Variants in SPATA31C1 observed in about 807,000 individuals in gnomAD.
SPATA31C1 encodes the protein SPATA31 subfamily C member 1, also known as spermatogenesis-associated protein 31C1.
rs755985498 is a variant in SPATA31C1 at position 87,920,595 on chromosome 9, C to A, written n.985C>A. ...CACCCCTGATCCTCTGGCCTGCTCT[C>A]CACCTCCTCCGAAAGGCTTCACTCC... On this transcript the variant is annotated non_coding_transcript_exon_variant, in exon 5 of 5. Transcript: ENST00000420021. 2.5e-6 allele frequency: 4 copies of A among 1,613,640 alleles called. No individual in the cohort carries two copies. The African/African-American group carries it at 4.0e-5, about 16-fold the overall frequency.
chr9:87,921,572 G>C, exon 5 of SPATA31C1: 2 of 1,612,010 alleles, frequency 1.2e-6, no homozygotes, highest in Non-Finnish European at 1.7e-6. Flanking sequence ...AGTCAGAAAG[G>C]AACCTGAGGA....
At chr9:87,919,458 G>C in intron 3 of SPATA31C1, 110 bp downstream of exon 2, 1 of 1,484,636 alleles carries the variant, frequency 6.7e-7, no homozygotes, top group Non-Finnish European at 9.1e-7. Context: ...TCCTAGGAAG[G>C]AAATCAGAAC....
exon 5 of SPATA31C1, chr9:87,922,248 T>G: frequency 6.2e-7 from 1 of 1,613,174 alleles, no homozygotes; most frequent in East Asian, 2.2e-5. Context: ...GCCCCTCACA[T>G]ACAGCCTCAA....
At chr9:87,921,973 T>C (rs1443953331) in exon 5 of SPATA31C1, 3 of 1,613,130 alleles carry the variant, frequency 1.9e-6, no homozygotes, top group South Asian at 1.1e-5. Context: ...TTGTCCCTTA[T>C]ACAGCTTGCT....
chr9:87,915,279 T>C (rs1291727575), intron 1 of SPATA31C1, among the ~76,000 whole-genome samples: 2 of 124,928 alleles, frequency 1.6e-5, no homozygotes, highest in Non-Finnish European at 3.5e-5. Flanking sequence ...GTGGACCTCA[T>C]ATTGAAAATC....
At chr9:87,921,235 C>T in exon 5 of SPATA31C1, 4 of 1,611,968 alleles carry the variant, frequency 2.5e-6, no homozygotes, top group Non-Finnish European at 3.4e-6. Flanking sequence ...AGACTGACAT[C>T]CATTCTGCCT....
Position 87,922,788 on chromosome 9 carries a change from A to G in SPATA31C1, n.3178A>G, listed in dbSNP as rs1195037503. 3.7e-6 allele frequency: 6 copies of G among 1,606,104 alleles called. No homozygotes were observed. In the Admixed American group the frequency reaches 8.4e-5, roughly 22 times the overall value. ...AAGCCCAATGTTTCCCCCTACTCAC[A>G]AGAGGGAGAACTCTAGGAAGCCCAA... On this transcript the variant is annotated non_coding_transcript_exon_variant, in exon 5 of 5. Transcript: ENST00000420021.
Position 87,920,329 on chromosome 9 carries a change from G to T in SPATA31C1, n.719G>T. On this transcript the variant is annotated non_coding_transcript_exon_variant, in exon 5 of 5. Transcript: ENST00000420021. Reference sequence around the variant, plus strand: ...GACCCGCCAGGTGAGGTGGGCAAAAGAACACCTGATGGAGCCTCCCGGTCC... The same window carrying T: ...GACCCGCCAGGTGAGGTGGGCAAAATAACACCTGATGGAGCCTCCCGGTCC... 3 of 1,613,978 alleles carry T rather than the reference G, an allele frequency of 1.9e-6. No individual in the cohort carries two copies. The South Asian group carries it at 3.3e-5, about 18-fold the overall frequency.
At chr9:87,919,169 C>G (rs1587588014) in intron 2 of SPATA31C1, 86 bp from the exon 2 acceptor site, 1 of 1,572,296 alleles carries the variant, frequency 6.4e-7, no homozygotes, top group Non-Finnish European at 8.7e-7. Flanking sequence ...ACAGACAGAG[C>G]CATGCGGTTC....
chr9:87,916,354 C>T (rs1163897714), intron 1 of SPATA31C1, among the ~76,000 whole-genome samples: 2 of 146,736 alleles, frequency 1.4e-5, no homozygotes, highest in Non-Finnish European at 3.0e-5. Flanking sequence ...GACATGACAC[C>T]AGAAAAGCAC....
chr9:87,922,200 G>C, exon 5 of SPATA31C1: 2 of 1,613,244 alleles, frequency 1.2e-6, no homozygotes, highest in Non-Finnish European at 1.7e-6. Context: ...GTCCTTGAAG[G>C]CTCCTACAGC....
At chr9:87,921,884 T>G (rs1199106275) in exon 5 of SPATA31C1, 2 of 1,612,060 alleles carry the variant, frequency 1.2e-6, no homozygotes, top group Non-Finnish European at 1.7e-6. Context: ...TTGTGAGGTT[T>G]TGGGCCAAAC....
chr9:87,922,438 C>G, exon 5 of SPATA31C1: 1 of 1,610,412 alleles, frequency 6.2e-7, no homozygotes, highest in Non-Finnish European at 8.5e-7. Flanking sequence ...TCTCTACTCC[C>G]TAGAATGTCT....
At chr9:87,920,208 C>T in intron 4 of SPATA31C1, 44 bp from the exon 4 acceptor site, 3 of 1,610,544 alleles carry the variant, frequency 1.9e-6, no homozygotes, top group Non-Finnish European at 2.5e-6. Context: ...CCCTCCGAAC[C>T]CATCTGGCTC....
chr9:87,919,841 T>G, intron 3 of SPATA31C1, 75 bp from the exon 3 acceptor site: 1 of 1,594,196 alleles, frequency 6.3e-7, no homozygotes, highest in East Asian at 2.2e-5. Context: ...TGGTCTTCCC[T>G]AAAGAAACAT....
exon 5 of SPATA31C1, chr9:87,921,571 G>C (rs1314564266): frequency 1.4e-5 from 23 of 1,611,912 alleles, no homozygotes; most frequent in Non-Finnish European, 1.9e-5. Context: ...GAGTCAGAAA[G>C]GAACCTGAGG....
intron 3 of SPATA31C1, 48 bp downstream of exon 2, chr9:87,919,396 C>T (rs771534037): frequency 1.4e-5 from 22 of 1,596,202 alleles, no homozygotes; most frequent in Middle Eastern, 1.7e-4. Context: ...CTCATCTGTC[C>T]GGGAGGGAAC....
Position 87,916,735 on chromosome 9 carries a change from C to T in SPATA31C1, n.190-1112C>T, listed in dbSNP as rs1412023798. On this transcript the variant is annotated intron_variant and non_coding_transcript_variant, in intron 1 of 4. Coordinates refer to ENST00000420021, the Ensembl canonical transcript of SPATA31C1. Reference sequence around the variant, plus strand: ...ACAGCAGGCCCGGCACGGTGGCTCACGCCTGTAATCCCAGCACTTTGGGAG... The same window carrying T: ...ACAGCAGGCCCGGCACGGTGGCTCATGCCTGTAATCCCAGCACTTTGGGAG... Among the ~76,000 whole-genome samples, 204 of 104,686 alleles carry T rather than the reference C, an allele frequency of 1.9e-3. 3 individuals are homozygous for T. The highest frequency in any genetic ancestry group is 5.5e-3 in the Admixed American group (57 of 10,328). The allele number at this position is 104,686 out of a possible 152,430, so 68.7% of individuals were successfully genotyped here.
At chr9:87,917,004 A>C (rs1458321203) in intron 1 of SPATA31C1, among the ~76,000 whole-genome samples, 2 of 107,052 alleles carry the variant, frequency 1.9e-5, no homozygotes, top group Non-Finnish European at 3.9e-5. Flanking sequence ...CTCAAAAAGA[A>C]AGGAAAACTG....
Sources: allele counts gnomAD v4.1 joint callset (sites outside exome capture counted in the v4.1 genomes callset), GRCh38; gene constraint gnomAD v4.1.1; transcripts MANE v1.5; gene names NCBI Gene and HGNC (gene_info 2026-07-23, HGNC 2026-07-21).